The following CECR2 variants were observed in gnomAD, a reference collection of about 807,000 sequenced individuals.
The protein encoded by CECR2 is chromatin remodeling regulator CECR2.
A neutral mutation model predicts 154.5 loss-of-function variants in CECR2; 30 were observed. The ratio of observed to expected loss-of-function variants is 0.19; its 90% CI spans 0.15 to 0.26. The LOEUF (loss-of-function observed/expected upper bound fraction) is 0.26, where lower values mean the gene tolerates loss of function less well. Ranked by LOEUF, CECR2 falls within the 10% of genes least tolerant of loss-of-function variation. CECR2 has a pLI of 1.00. For synonymous variants in CECR2, 725 were observed against 683.7 expected, an observed-to-expected ratio of 1.06 and a Z score of -0.94; for missense variants, 1,743 against 1,829.3, an observed-to-expected ratio of 0.95 and a Z score of 0.86.
chr22:17,505,645 T>A (rs2055829051), intron 7 of CECR2, among the ~76,000 whole-genome samples: 1 of 146,264 alleles, frequency 6.8e-6, no homozygotes, highest in Non-Finnish European at 1.5e-5. Context: ...GCGATTCTCC[T>A]GCCTCAGCCT....
At chr22:17,416,534 T>C (rs16982395) in intron 1 of CECR2, among the ~76,000 whole-genome samples, 4,600 of 152,278 alleles carry the variant, frequency 0.03, 228 homozygotes, top group African/African-American at 0.1. Flanking sequence ...ATTATTATAT[T>C]GTTATTTTGA....
At position 17,553,092 on chromosome 22, in the gene CECR2, C is replaced by A; in HGVS notation, c.*252C>A. On this transcript the variant is annotated 3_prime_UTR_variant, in exon 19 of 19. Coordinates refer to ENST00000262608, the MANE Select transcript of CECR2 (RefSeq NM_001290047.2). Reference sequence around the variant, plus strand: ...AGCTGATGTAGACAGTCAGGCAAAACTAATGAACGTGGAGTTAATGATGAC... The same window carrying A: ...AGCTGATGTAGACAGTCAGGCAAAAATAATGAACGTGGAGTTAATGATGAC... 2.8e-6 allele frequency: 2 copies of A among 706,786 alleles called. No individual in the cohort carries two copies. Among genetic ancestry groups the A allele is most frequent in the Non-Finnish European group, 3.9e-6 (2 of 507,544 alleles). 43.8% of individuals were successfully genotyped at this position (706,786 alleles called of 1,614,324 possible). A position where few individuals can be genotyped will look rare whatever the true frequency, so the allele number is the denominator to read the frequency against.
In CECR2 at chr22:17,533,097, C is replaced by T. The variant is rs988577046; in HGVS notation, c.1109-4006C>T. ...CTTTGGGAGGCCGAGGCGGGCAGAT[C>T]ACGAGGTCAGAAGATCAAGACCATC... On this transcript the variant is annotated intron_variant, in intron 9 of 18. Coordinates refer to ENST00000262608, the MANE Select transcript of CECR2 (RefSeq NM_001290047.2). 3.3e-5 allele frequency among the ~76,000 whole-genome samples: 5 copies of T among 151,706 alleles called. No individual in the cohort carries two copies. The East Asian group carries it at 9.7e-4, about 29-fold the overall frequency.
intron 1 of CECR2, among the ~76,000 whole-genome samples, chr22:17,400,100 A>G (rs900048240): frequency 6.6e-6 from 1 of 152,206 alleles, no homozygotes; most frequent in Admixed American, 6.5e-5. Context: ...CTTCCCCATT[A>G]GTCTTAGTTT....
chr22:17,397,801 C>A (rs112784839), intron 1 of CECR2, among the ~76,000 whole-genome samples: 1 of 152,152 alleles, frequency 6.6e-6, no homozygotes, highest in Non-Finnish European at 1.5e-5. Flanking sequence ...CCGGCTAACA[C>A]AAATTAATTT....
At chr22:17,436,472 TC>T (rs2146652635) in intron 1 of CECR2, among the ~76,000 whole-genome samples, 1 of 152,334 alleles carries the variant, frequency 6.6e-6, no homozygotes, top group South Asian at 2.1e-4. Flanking sequence ...CTTGTAAACT[TC>T]CTTAATGGTC....
At chr22:17,366,740 G>C (rs180913708), upstream of CECR2, among the ~76,000 whole-genome samples, 514 of 152,230 alleles carry the variant, frequency 3.4e-3, 4 homozygotes, top group Middle Eastern at 0.01. Context: ...AAGATTCAGG[G>C]TATCAATCCT....
chr22:17,422,015 T>C (rs202161226), intron 1 of CECR2, among the ~76,000 whole-genome samples: 1 of 113,812 alleles, frequency 8.8e-6, no homozygotes, highest in East Asian at 2.7e-4. Flanking sequence ...TCTCATCACT[T>C]TATTTCACTC....
At chr22:17,480,860 T>A (rs1332122819) in intron 2 of CECR2, among the ~76,000 whole-genome samples, 1 of 150,892 alleles carries the variant, frequency 6.6e-6, no homozygotes, top group African/African-American at 2.4e-5. Context: ...GCCAATGTGA[T>A]GAAACCCGGT....
At chr22:17,420,307 A>T (rs1189621835) in intron 1 of CECR2, among the ~76,000 whole-genome samples, 2 of 152,208 alleles carry the variant, frequency 1.3e-5, no homozygotes, top group East Asian at 3.8e-4. Flanking sequence ...TTTAATTATG[A>T]GGCCTTGAAC....
chr22:17,429,420 G>T (rs1194111767), intron 1 of CECR2, among the ~76,000 whole-genome samples: 1 of 151,792 alleles, frequency 6.6e-6, no homozygotes, highest in Admixed American at 6.6e-5. Flanking sequence ...TCACAAGGGA[G>T]ACCGGGCGCG....
chr22:17,408,704 G>A (rs2054021801), intron 1 of CECR2, among the ~76,000 whole-genome samples: 3 of 152,174 alleles, frequency 2.0e-5, no homozygotes, highest in East Asian at 3.8e-4. Flanking sequence ...CAACATGTTA[G>A]TTCATCCCAT....
chr22:17,484,688 G>T (rs2146824045), intron 2 of CECR2, among the ~76,000 whole-genome samples: 1 of 152,294 alleles, frequency 6.6e-6, no homozygotes, highest in Admixed American at 6.5e-5. Context: ...ATCACTTGAG[G>T]TCAGGAGTTC....
chr22:17,420,895 T>C (rs1337060742), intron 1 of CECR2, among the ~76,000 whole-genome samples: 1 of 152,174 alleles, frequency 6.6e-6, no homozygotes, highest in East Asian at 1.9e-4. Context: ...TTACATAACT[T>C]ATATCACCCC....
At chr22:17,426,389 C>G (rs1353276139) in intron 1 of CECR2, among the ~76,000 whole-genome samples, 1 of 151,920 alleles carries the variant, frequency 6.6e-6, no homozygotes, top group Non-Finnish European at 1.5e-5. Context: ...ACGAGTCTCT[C>G]TCTGTCTCCC....
intron 7 of CECR2, among the ~76,000 whole-genome samples, chr22:17,506,643 GTTTT>G (rs917480008): frequency 2.0e-5 from 3 of 152,008 alleles, no homozygotes; most frequent in African/African-American, 7.2e-5. Flanking sequence ...TTCTTTTCAT[GTTTT>G]TTTGTTTGTT....
At chr22:17,475,793 C>T (rs1286781108) in intron 1 of CECR2, among the ~76,000 whole-genome samples, 3 of 152,084 alleles carry the variant, frequency 2.0e-5, no homozygotes, top group South Asian at 2.1e-4. Context: ...TCCCTCGCCT[C>T]GGCTGGCCTT....
At chr22:17,412,770 G>T (rs1388355200) in intron 1 of CECR2, among the ~76,000 whole-genome samples, 1 of 151,930 alleles carries the variant, frequency 6.6e-6, no homozygotes, top group Non-Finnish European at 1.5e-5. Context: ...GACAGGTGGC[G>T]GGCGGCCTTC....
At chr22:17,528,258 C>T (rs1236205938) in intron 9 of CECR2, among the ~76,000 whole-genome samples, 3 of 152,138 alleles carry the variant, frequency 2.0e-5, no homozygotes, top group Non-Finnish European at 4.4e-5. Flanking sequence ...TTTGCAACAA[C>T]ATGGATAGAA....
Sources: allele counts gnomAD v4.1 joint callset (sites outside exome capture counted in the v4.1 genomes callset), GRCh38; gene constraint gnomAD v4.1.1; transcripts MANE v1.5; gene names NCBI Gene and HGNC (gene_info 2026-07-23, HGNC 2026-07-21).